Variants in PHACTR1 observed in about 807,000 individuals in gnomAD.
PHACTR1 encodes phosphatase and actin regulator 1, also known as RPEL repeat containing 1.
A neutral mutation model predicts 69.2 loss-of-function variants in PHACTR1; 16 were observed. The ratio of observed to expected loss-of-function variants is 0.23; its 90% CI spans 0.16 to 0.35. The LOEUF (loss-of-function observed/expected upper bound fraction) is 0.35, where lower values mean the gene tolerates loss of function less well. Ranked by LOEUF, PHACTR1 falls within the 10% of genes least tolerant of loss-of-function variation. The pLI is 1.00. For synonymous variants in PHACTR1, 312 were observed against 284.5 expected (o/e 1.10, Z -0.97); for missense variants, 510 against 734.7 (o/e 0.69, Z 3.54).
At chr6:13,262,872 A>G (rs1776094884) in intron 10 of PHACTR1, among the ~76,000 whole-genome samples, 1 of 152,228 alleles carries the variant, frequency 6.6e-6, no homozygotes, top group South Asian at 2.1e-4. Context: ...AGTTGCAGAA[A>G]ACCCAAGTTA....
rs182321015 is a variant in PHACTR1, at chr6:13,281,480, A to G, written c.1510-1942A>G. 7.4e-5 allele frequency: 25 copies of G among 339,610 alleles called. No homozygotes were observed. The East Asian group carries it at 2.4e-3, about 32-fold the overall frequency. The allele number at this position is 339,610 out of a possible 1,614,324, so 21.0% of individuals were successfully genotyped here. A position where few individuals can be genotyped will look rare whatever the true frequency, so the allele number is the denominator to read the frequency against. ...GAGGCAGGAGAGTTACTTGCACCCAAGAGGCGGAGGTTGCAGTGAGCCGAG... is the reference window on the plus strand; with the variant it reads ...GAGGCAGGAGAGTTACTTGCACCCAGGAGGCGGAGGTTGCAGTGAGCCGAG... On this transcript the variant is annotated intron_variant, in intron 12 of 14. Transcript: ENST00000332995.
intron 5 of PHACTR1, among the ~76,000 whole-genome samples, chr6:13,148,079 T>G (rs13192887): frequency 0.13 from 19,951 of 151,910 alleles, 1,612 homozygotes; most frequent in Middle Eastern, 0.21. Flanking sequence ...GTTTTTCTGG[T>G]TTTTGAACTT....
intron 6 of PHACTR1, among the ~76,000 whole-genome samples, chr6:13,173,324 C>T (rs1394276151): frequency 6.6e-6 from 1 of 152,180 alleles, no homozygotes; most frequent in East Asian, 1.9e-4. Context: ...GCCCAAGCAT[C>T]AAATGATAGT....
At chr6:13,045,500 C>T (rs1804879829) in intron 4 of PHACTR1, among the ~76,000 whole-genome samples, 1 of 152,210 alleles carries the variant, frequency 6.6e-6, no homozygotes, top group African/African-American at 2.4e-5. Context: ...CCGCATTAGT[C>T]ATGTGGCCTC....
At chr6:13,054,007 A>G (rs1806398770) in intron 5 of PHACTR1, among the ~76,000 whole-genome samples, 1 of 152,220 alleles carries the variant, frequency 6.6e-6, no homozygotes, top group Non-Finnish European at 1.5e-5. Context: ...ATACAAATGA[A>G]TCATTGTAGT....
chr6:13,268,868 A>T (rs547864251), intron 10 of PHACTR1, among the ~76,000 whole-genome samples: 1 of 152,356 alleles, frequency 6.6e-6, no homozygotes, highest in Non-Finnish European at 1.5e-5. Context: ...CAGAGAAATG[A>T]AACACAAACA....
At chr6:12,727,761 T>C (rs1033087350) in intron 3 of PHACTR1, among the ~76,000 whole-genome samples, 70 of 152,288 alleles carry the variant, frequency 4.6e-4, no homozygotes, top group African/African-American at 1.6e-3. Context: ...CCTTTGTGCC[T>C]GTGCTAGCAG....
At chr6:12,779,421 C>T (rs1473303240) in intron 4 of PHACTR1, among the ~76,000 whole-genome samples, 1 of 151,978 alleles carries the variant, frequency 6.6e-6, no homozygotes, top group East Asian at 1.9e-4. Context: ...CAAATTGACT[C>T]ATTAGCTCAG....
At chr6:13,043,843 T>C (rs1244681632) in intron 4 of PHACTR1, among the ~76,000 whole-genome samples, 3 of 152,254 alleles carry the variant, frequency 2.0e-5, no homozygotes, top group Admixed American at 6.5e-5. Flanking sequence ...ATTGTTGCTT[T>C]GGATTAACAC....
chr6:13,276,977 G>GT (rs1779055280), intron 11 of PHACTR1, among the ~76,000 whole-genome samples: 1 of 152,150 alleles, frequency 6.6e-6, no homozygotes, highest in Non-Finnish European at 1.5e-5. Flanking sequence ...CAAAATCAAC[G>GT]TGTTTCCTTT....
intron 6 of PHACTR1, among the ~76,000 whole-genome samples, chr6:13,163,524 G>A (rs1209587591): frequency 6.6e-6 from 1 of 152,236 alleles, no homozygotes; most frequent in Non-Finnish European, 1.5e-5. Context: ...CTGTTTGGAT[G>A]TTGGGAAGAG....
chr6:12,819,089 G>A (rs1043000014), intron 4 of PHACTR1, among the ~76,000 whole-genome samples: 1 of 152,106 alleles, frequency 6.6e-6, no homozygotes, highest in Non-Finnish European at 1.5e-5. Context: ...CATGAACACT[G>A]GGCATTCCAC....
At chr6:13,035,974 T>C (rs1040077339) in intron 4 of PHACTR1, among the ~76,000 whole-genome samples, 1 of 152,230 alleles carries the variant, frequency 6.6e-6, no homozygotes, top group African/African-American at 2.4e-5. Context: ...TATTAGTGCC[T>C]ACCACATGCT....
At chr6:13,026,434 A>G (rs970888540) in intron 4 of PHACTR1, among the ~76,000 whole-genome samples, 5 of 152,110 alleles carry the variant, frequency 3.3e-5, no homozygotes, top group Admixed American at 2.6e-4. Flanking sequence ...GGGCCCAGGT[A>G]TAGGAGGGTC....
At chr6:13,167,448 G>A (rs963342253) in intron 6 of PHACTR1, among the ~76,000 whole-genome samples, 4 of 152,194 alleles carry the variant, frequency 2.6e-5, no homozygotes, top group Admixed American at 6.5e-5. Flanking sequence ...TCTACCATCC[G>A]ATGAAATGAC....
chr6:12,977,083 G>T (rs540697026), intron 4 of PHACTR1, among the ~76,000 whole-genome samples: 3 of 151,866 alleles, frequency 2.0e-5, no homozygotes, highest in Admixed American at 2.0e-4. Context: ...CTCCTGCCTC[G>T]GCCTTCTGAG....
At chr6:13,254,121 G>A (rs1774863387) in intron 10 of PHACTR1, among the ~76,000 whole-genome samples, 2 of 152,110 alleles carry the variant, frequency 1.3e-5, no homozygotes, top group South Asian at 2.1e-4. Context: ...CCAGCTACTC[G>A]GGAGGCTGAG....
At chr6:13,097,804 A>G (rs1814518088) in intron 5 of PHACTR1, among the ~76,000 whole-genome samples, 3 of 151,958 alleles carry the variant, frequency 2.0e-5, no homozygotes, top group East Asian at 3.9e-4. Context: ...TCCATTTTCA[A>G]TTTCCTACTC....
intron 4 of PHACTR1, among the ~76,000 whole-genome samples, chr6:12,817,887 G>A (rs938627467): frequency 4.0e-5 from 6 of 150,316 alleles, no homozygotes; most frequent in Non-Finnish European, 7.4e-5. Context: ...GCAGTGGCAC[G>A]ATCTCGGCTC....
Sources: allele counts gnomAD v4.1 joint callset (sites outside exome capture counted in the v4.1 genomes callset), GRCh38; gene constraint gnomAD v4.1.1; transcripts MANE v1.5; gene names NCBI Gene and HGNC (gene_info 2026-07-23, HGNC 2026-07-21).